Variants in S100A10 observed in about 807,000 individuals in gnomAD.
S100A10 encodes S100 calcium binding protein A10.
In S100A10, 3 loss-of-function variants were observed where a neutral mutation model predicts 7.1. The observed-to-expected ratio is 0.42, with a 90% CI of 0.19 to 1.10. The LOEUF is 1.10. Among genes scored for constraint, S100A10 ranks in the 50% least tolerant of loss-of-function variants. The probability of loss-of-function intolerance (pLI) is 0.29; values close to 1 mark genes in which losing one functional copy is unlikely to be tolerated. For synonymous variants in S100A10, 41 were observed against 39.3 expected (o/e 1.04, Z -0.16); for missense variants, 101 against 118.1 (o/e 0.86, Z 0.67).
At position 151,982,986 on chromosome 1, in the gene S100A10, C is replaced by G; in HGVS notation, c.*177G>C. 1 of 465,076 alleles carries G rather than the reference C, an allele frequency of 2.2e-6. No homozygotes were observed. Among genetic ancestry groups the G allele is most frequent in the Non-Finnish European group, 3.8e-6 (1 of 264,730 alleles). The allele number at this position is 465,076 out of a possible 1,614,324, so 28.8% of individuals were successfully genotyped here. The stretch of plus-strand genomic sequence containing the variant: ...AACAATACAAAAATCAAAAGCTTAT[C>G]TGGTATTTAACTTTTCTTTCTCTGC... On this transcript the variant is annotated 3_prime_UTR_variant, in exon 3 of 3. Coordinates refer to ENST00000368811, the MANE Select transcript of S100A10 (RefSeq NM_002966.3).
At chr1:151,989,724 G>A (rs537039392) in intron 1 of S100A10, among the ~76,000 whole-genome samples, 23 of 152,350 alleles carry the variant, frequency 1.5e-4, no homozygotes, top group Admixed American at 1.3e-3. Context: ...GGCTTGCCTG[G>A]GCAGGGCTGT....
chr1:151,990,013 A>T (rs1655872834), intron 1 of S100A10, among the ~76,000 whole-genome samples: 1 of 152,228 alleles, frequency 6.6e-6, no homozygotes, highest in Non-Finnish European at 1.5e-5. Flanking sequence ...TAAGAACTAC[A>T]AATTATTCTG....
chr1:151,991,724 C>T (rs1461257195), intron 1 of S100A10, among the ~76,000 whole-genome samples: 1 of 152,200 alleles, frequency 6.6e-6, no homozygotes, highest in Non-Finnish European at 1.5e-5. Context: ...TTTCTCTCAA[C>T]TTTACGCTTT....
chr1:151,989,070 G>A (rs1169612548), intron 1 of S100A10, among the ~76,000 whole-genome samples: 1 of 152,170 alleles, frequency 6.6e-6, no homozygotes, highest in Non-Finnish European at 1.5e-5. Context: ...ATTAAGAAAG[G>A]GAATGCAGCA....
chr1:151,989,472 G>A (rs1655861080), intron 1 of S100A10, among the ~76,000 whole-genome samples: 1 of 152,194 alleles, frequency 6.6e-6, no homozygotes, highest in African/African-American at 2.4e-5. Flanking sequence ...AAAATCAGTG[G>A]AGAAGCCCTT....
At chr1:151,984,166 C>T (rs1307822433) in intron 2 of S100A10, 1 of 152,150 alleles carries the variant, frequency 6.6e-6, no homozygotes, top group Non-Finnish European at 1.5e-5. Flanking sequence ...TGCCATCAAC[C>T]AGAGAGAGAA....
At chr1:151,987,415 G>A (rs1221510328) in intron 1 of S100A10, among the ~76,000 whole-genome samples, 1 of 152,068 alleles carries the variant, frequency 6.6e-6, no homozygotes, top group Non-Finnish European at 1.5e-5. Flanking sequence ...AATCCACACA[G>A]TCAAGTCTGG....
chr1:151,988,573 A>T (rs1655844673), intron 1 of S100A10, among the ~76,000 whole-genome samples: 2 of 152,246 alleles, frequency 1.3e-5, no homozygotes, highest in Non-Finnish European at 2.9e-5. Flanking sequence ...AAGTATGGGA[A>T]CCAGCAGGCC....
chr1:151,989,710 G>A (rs568307680), intron 1 of S100A10, among the ~76,000 whole-genome samples: 1 of 152,242 alleles, frequency 6.6e-6, no homozygotes, highest in African/African-American at 2.4e-5. Flanking sequence ...CCGTTCTTGG[G>A]TGGGGCTTGC....
chr1:151,991,394 C>A (rs1411547377), intron 1 of S100A10, among the ~76,000 whole-genome samples: 1 of 152,186 alleles, frequency 6.6e-6, no homozygotes, highest in African/African-American at 2.4e-5. Flanking sequence ...TTGGAAGAAA[C>A]CTCCTTCAAT....
chr1:151,985,795 A>C (rs974992969), intron 2 of S100A10, among the ~76,000 whole-genome samples: 2 of 152,194 alleles, frequency 1.3e-5, no homozygotes, highest in African/African-American at 4.8e-5. Flanking sequence ...TTTCCAACAA[A>C]CAGCTCATAT....
At chr1:151,990,097 G>T (rs1655874391) in intron 1 of S100A10, among the ~76,000 whole-genome samples, 1 of 152,210 alleles carries the variant, frequency 6.6e-6, no homozygotes, top group African/African-American at 2.4e-5. Flanking sequence ...AGTAGCTGAG[G>T]TGCAGGTGTG....
rs1170865154 is a variant in S100A10 at position 151,993,195 on chromosome 1, A to G, written c.-22+557T>C. On this transcript the variant is annotated intron_variant, in intron 1 of 2. Coordinates refer to ENST00000368811, the MANE Select transcript of S100A10 (RefSeq NM_002966.3). This position sits in a 1 kb window ranked among gnomAD's most constrained non-coding sequence, Gnocchi z 5.1. ...GAAGACCCTTTCCGTCGAGCAGACA[A>G]CAGGAAGCCCCGACCAGAAACGCCT... Among the ~76,000 whole-genome samples, 1 of 152,188 alleles carries G rather than the reference A, an allele frequency of 6.6e-6. No homozygotes were observed. Among genetic ancestry groups the G allele is most frequent in the African/African-American group, 2.4e-5 (1 of 41,440 alleles).
chr1:151,993,624 C>A lies in S100A10; in HGVS notation c.-22+128G>T, dbSNP rs907634580. 2 of 152,362 alleles carry A rather than the reference C, an allele frequency of 1.3e-5. No individual in the cohort carries two copies. The highest frequency in any genetic ancestry group is 2.9e-5 in the Non-Finnish European group (2 of 68,190). The allele number at this position is 152,362 out of a possible 1,614,324, so 9.4% of individuals were successfully genotyped here. On this transcript the variant is annotated intron_variant, in intron 1 of 2. Coordinates refer to ENST00000368811, the MANE Select transcript of S100A10 (RefSeq NM_002966.3). This position sits in a 1 kb window ranked among gnomAD's most constrained non-coding sequence, Gnocchi z 5.1. ...GAGCACTGAGCAGCGGATTCCCCACCAGCCGCTCCCCGCCCAGCCCCGCGG... is the reference window on the plus strand; with the variant it reads ...GAGCACTGAGCAGCGGATTCCCCACAAGCCGCTCCCCGCCCAGCCCCGCGG...
chr1:151,986,005 C>T, intron 2 of S100A10, 94 bp downstream of exon 2: 2 of 1,122,542 alleles, frequency 1.8e-6, no homozygotes, highest in East Asian at 2.7e-5. Context: ...TGGTGACCTC[C>T]ACAGGGAAGG....
chr1:151,985,477 T>C (rs1216104940), intron 2 of S100A10: 2 of 152,008 alleles, frequency 1.3e-5, no homozygotes, highest in Middle Eastern at 3.2e-3. Context: ...GCTCCTGTGC[T>C]GTCAGAGCAT....
At chr1:151,991,267 G>A (rs1257315200) in intron 1 of S100A10, among the ~76,000 whole-genome samples, 1 of 152,188 alleles carries the variant, frequency 6.6e-6, no homozygotes, top group Non-Finnish European at 1.5e-5. Flanking sequence ...AAAATGAGTT[G>A]AAGCAATGGA....
In S100A10 at chr1:151,983,145, C is replaced by A; in HGVS notation, c.*18G>T. On this transcript the variant is annotated 3_prime_UTR_variant, in exon 3 of 3. Transcript: ENST00000368811. ...TGGGACAACTCTTATCAGGGAGGAGCGAACTGCTCATTTCTGCCTACTTCT... is the reference window on the plus strand; with the variant it reads ...TGGGACAACTCTTATCAGGGAGGAGAGAACTGCTCATTTCTGCCTACTTCT... The A allele has an allele frequency of 1.3e-6, 2 of 1,530,276 alleles. No individual in the cohort carries two copies. Among genetic ancestry groups the A allele is most frequent in the South Asian group, 1.3e-5 (1 of 75,368 alleles). 94.8% of individuals were successfully genotyped at this position (1,530,276 alleles called of 1,614,324 possible). A position where few individuals can be genotyped will look rare whatever the true frequency, so the allele number is the denominator to read the frequency against.
intron 2 of S100A10, among the ~76,000 whole-genome samples, chr1:151,983,665 G>C (rs1313695969): frequency 2.0e-5 from 3 of 152,136 alleles, no homozygotes; most frequent in Non-Finnish European, 4.4e-5. Context: ...ATGATTTAGG[G>C]AATAAGTTTT....
Sources: allele counts gnomAD v4.1 joint callset (sites outside exome capture counted in the v4.1 genomes callset), GRCh38; gene constraint gnomAD v4.1.1; non-coding constraint Gnocchi (gnomAD v3.1); transcripts MANE v1.5; gene names NCBI Gene and HGNC (gene_info 2026-07-23, HGNC 2026-07-21).